CCNT1: variants seen among roughly 807,000 people sequenced by gnomAD.
CCNT1 encodes the protein cyclin T1.
In CCNT1, 18 loss-of-function variants were observed where a neutral mutation model predicts 67.3. The observed-to-expected ratio is 0.27, with a 90% CI of 0.18 to 0.40. The LOEUF (loss-of-function observed/expected upper bound fraction) is 0.40. Ranked by LOEUF, CCNT1 falls within the 10% of genes least tolerant of loss-of-function variation. The pLI, the probability that CCNT1 is intolerant of heterozygous loss-of-function variation, is 1.00. For synonymous variants in CCNT1, 333 were observed against 310.3 expected, an observed-to-expected ratio of 1.07 and a Z score of -0.77; for missense variants, 744 against 884.9, an observed-to-expected ratio of 0.84 and a Z score of 2.02.
At chr12:48,701,270 G>A (rs1276854109) in intron 3 of CCNT1, among the ~76,000 whole-genome samples, 197 bp from the exon 4 acceptor site, 1 of 125,084 alleles carries the variant, frequency 8.0e-6, no homozygotes, top group Admixed American at 9.7e-5. Flanking sequence ...CTGTCACCCA[G>A]GCTGGAGTGC....
Position 48,693,474 on chromosome 12 carries a change from A to G in CCNT1, c.1740T>C (p.Thr580=), listed in dbSNP as rs144743632. The part of the protein sequence containing the change: ...STRKRGPSEE[T]GGAVFDHPAK... ...CTGGATGATCAAACACAGCCCCTCCAGTCTCTTCAGAGGGTCCCCTTTTAC... is the reference window on the plus strand; with the variant it reads ...CTGGATGATCAAACACAGCCCCTCCGGTCTCTTCAGAGGGTCCCCTTTTAC... Residue 580 remains threonine (T), a synonymous_variant, in exon 9 of 9, where the codon ACT becomes ACC. Coordinates refer to ENST00000261900, the MANE Select transcript of CCNT1 (RefSeq NM_001240.4). The G allele has an allele frequency of 1.4e-4, 227 of 1,614,236 alleles. No individual in the cohort carries two copies. In the African/African-American group the frequency reaches 2.8e-3, roughly 20 times the overall value.
Position 48,716,696 on chromosome 12 carries a change from G to A in CCNT1, c.-21C>T. The A allele has an allele frequency of 1.9e-6, 3 of 1,608,946 alleles. No homozygotes were observed. Among genetic ancestry groups the A allele is most frequent in the Non-Finnish European group, 2.5e-6 (3 of 1,176,500 alleles). ...TCCATAGTGCTTCAACCAGAAGGCA[G>A]CGGCGAAGGCTGCAGGCACTTCCCA... On this transcript the variant is annotated 5_prime_UTR_variant, in exon 1 of 9. Transcript: ENST00000261900.
rs1218228262 is a variant in CCNT1 at position 48,695,785 on chromosome 12, T to C, written c.751A>G (p.Arg251Gly). The change falls in exon 8 of 9, where the codon AGG becomes GGG. Residue 251 changes from arginine (R) to glycine (G), a missense_variant. By Grantham distance (125) the Arg-to-Gly change is moderately radical. Coordinates refer to ENST00000261900, the MANE Select transcript of CCNT1 (RefSeq NM_001240.4). ...CTCCAATTCCAAATGCGTTTGAGCC[T>C]GTTGGGAGTTTTCTCCAAAATCTGT... ...FLQILEKTPN[R>G]LKRIWNWRAC... 6.2e-7 allele frequency: 1 copy of C among 1,612,866 alleles called. No individual in the cohort carries two copies.
intron 4 of CCNT1, 79 bp from the exon 5 acceptor site, chr12:48,699,919 G>A: frequency 1.2e-6 from 1 of 838,868 alleles, no homozygotes; most frequent in Non-Finnish European, 2.0e-6. Context: ...ATAACTGATT[G>A]TAAATTACAC....
rs1940292310 is a variant in CCNT1 at position 48,702,798 on chromosome 12, C to T, written c.373-1725G>A. ...CACCACGGCACTCCGGCCTGGGTGA[C>T]AGAGCGAGACTCCATCTCAAAAAAA... On this transcript the variant is annotated intron_variant, in intron 3 of 8. Coordinates refer to ENST00000261900, the MANE Select transcript of CCNT1 (RefSeq NM_001240.4). 2.0e-5 allele frequency among the ~76,000 whole-genome samples: 3 copies of T among 151,602 alleles called. No homozygotes were observed. The South Asian group carries it at 6.2e-4, about 32-fold the overall frequency.
intron 2 of CCNT1, among the ~76,000 whole-genome samples, chr12:48,712,849 A>G (rs533259799): frequency 6.6e-6 from 1 of 151,926 alleles, no homozygotes; most frequent in African/African-American, 2.4e-5. Context: ...CTGAGGAAAG[A>G]GGATTGCTTG....
chr12:48,697,617 G>A (rs908048605), intron 6 of CCNT1, among the ~76,000 whole-genome samples: 11 of 146,782 alleles, frequency 7.5e-5, no homozygotes, highest in African/African-American at 1.2e-4. Flanking sequence ...TCAGGAGATC[G>A]AGACCATCCT....
chr12:48,716,313 T>C (rs549778159), intron 1 of CCNT1, among the ~76,000 whole-genome samples: 1 of 152,342 alleles, frequency 6.6e-6, no homozygotes, highest in African/African-American at 2.4e-5. Context: ...GCGGCACGGG[T>C]GAGCGAGCGG....
chr12:48,703,934 A>G (rs1242394425), intron 3 of CCNT1, among the ~76,000 whole-genome samples: 5 of 152,220 alleles, frequency 3.3e-5, no homozygotes, highest in Non-Finnish European at 2.9e-5. Flanking sequence ...TCCAAAAAAA[A>G]AAAAAAGAAT....
intron 2 of CCNT1, among the ~76,000 whole-genome samples, chr12:48,711,819 G>C (rs1940455230): frequency 6.6e-6 from 1 of 152,186 alleles, no homozygotes; most frequent in South Asian, 2.1e-4. Context: ...TTGAGACGGA[G>C]TCTCATTCTG....
rs575488596 is a variant in CCNT1, at chr12:48,694,399, C to T, written c.815G>A (p.Arg272Gln). 8.4e-5 allele frequency: 135 copies of T among 1,613,328 alleles called. 1 individual carries two copies. Among genetic ancestry groups the T allele is most frequent in the South Asian group, 4.2e-4 (38 of 91,068 alleles). ...CTCTGAAGTCTTTTCATCTGTTCCT[C>T]GGTCATCTGCTTTTGTTTTCTTGGC... ...EAAKKTKADD[R>Q]GTDEKTSEQT... Residue 272 changes from arginine to glutamine, a missense_variant, in exon 9 of 9, where the codon CGA becomes CAA. By Grantham distance (43) the Arg-to-Gln change is conservative. Coordinates refer to ENST00000261900, the MANE Select transcript of CCNT1 (RefSeq NM_001240.4).
intron 3 of CCNT1, among the ~76,000 whole-genome samples, chr12:48,705,393 A>T (rs1940340005): frequency 6.6e-6 from 1 of 151,582 alleles, no homozygotes; most frequent in Non-Finnish European, 1.5e-5. Flanking sequence ...CAGCCTCCCA[A>T]AGTGCTGGGA....
At chr12:48,712,044 T>C (rs950698946) in intron 2 of CCNT1, among the ~76,000 whole-genome samples, 8 of 152,184 alleles carry the variant, frequency 5.3e-5, no homozygotes, top group African/African-American at 1.9e-4. Context: ...TCCGCCCATC[T>C]TGGCCTCCCA....
Position 48,699,535 on chromosome 12 carries a change from C to T in CCNT1, c.496+243G>A, listed in dbSNP as rs112366656. On this transcript the variant is annotated intron_variant, in intron 5 of 8. Coordinates refer to ENST00000261900, the MANE Select transcript of CCNT1 (RefSeq NM_001240.4). ...ATAAAATTTCTGTTAAATAACTTCACAAACTGCCCAACTTTGACAAACATT... is the reference window on the plus strand; with the variant it reads ...ATAAAATTTCTGTTAAATAACTTCATAAACTGCCCAACTTTGACAAACATT... Among the ~76,000 whole-genome samples, 1,404 of 152,320 alleles carry T rather than the reference C, an allele frequency of 9.2e-3. 25 individuals are homozygous for T. Among genetic ancestry groups the T allele is most frequent in the African/African-American group, 0.033 (1,358 of 41,572 alleles).
At chr12:48,715,914 TACTA>T (rs781089861) in intron 1 of CCNT1, among the ~76,000 whole-genome samples, 100 of 152,192 alleles carry the variant, frequency 6.6e-4, no homozygotes, top group African/African-American at 2.1e-3. Flanking sequence ...AAACAGTAGC[TACTA>T]ACTGAGCATC....
intron 2 of CCNT1, 148 bp from the exon 3 acceptor site, chr12:48,706,044 A>G: frequency 1.6e-6 from 1 of 636,344 alleles, no homozygotes; most frequent in South Asian, 2.5e-5. Flanking sequence ...CCCCGCTTCT[A>G]CCATCTTCCC....
chr12:48,693,252 T>C lies in CCNT1; in HGVS notation c.1962A>G (p.Thr654=). 3 of 1,614,216 alleles carry C rather than the reference T, an allele frequency of 1.9e-6. No individual in the cohort carries two copies. Among genetic ancestry groups the C allele is most frequent in the Non-Finnish European group, 8.5e-7 (1 of 1,180,026 alleles). Residue 654 remains threonine (T), a synonymous_variant, in exon 9 of 9, where the codon ACA becomes ACG. Transcript: ENST00000261900. The part of the protein sequence containing the change: ...TGANGHNTTQ[T]IDYQDTVNML... ...TATTCACAGTGTCTTGATAGTCTAT[T>C]GTCTGGGTCGTGTTGTGACCATTGG...
At position 48,695,991 on chromosome 12, in the gene CCNT1, A is replaced by C. The variant is rs772129936; in HGVS notation, c.706+8T>G. The C allele has an allele frequency of 1.2e-5, 20 of 1,614,030 alleles. No individual in the cohort carries two copies. Among genetic ancestry groups the C allele is most frequent in the Non-Finnish European group, 1.6e-5 (19 of 1,179,960 alleles). On this transcript the variant is annotated splice_region_variant and intron_variant, in intron 7 of 8. Coordinates refer to ENST00000261900, the MANE Select transcript of CCNT1 (RefSeq NM_001240.4). ...GTGCTTTTCAAGGTCCCTTACTCTA[A>C]AACTTACCATCTAAAAGTTCCAAGG... is the stretch of plus-strand genomic sequence containing the variant.
chr12:48,695,895 T>C (rs1351814330), intron 7 of CCNT1, 66 bp from the exon 8 acceptor site: 1 of 1,515,344 alleles, frequency 6.6e-7, no homozygotes, highest in South Asian at 1.1e-5. Context: ...AAGAATAACC[T>C]GAACTACTAA....
Sources: allele counts gnomAD v4.1 joint callset (sites outside exome capture counted in the v4.1 genomes callset), GRCh38; gene constraint gnomAD v4.1.1; transcripts MANE v1.5; gene names NCBI Gene and HGNC (gene_info 2026-07-23, HGNC 2026-07-21).